The following NRXN1 variants were observed in gnomAD, a reference collection of about 807,000 sequenced individuals.
NRXN1 encodes the protein neurexin-1.
Under a neutral mutation model 150.9 loss-of-function variants are expected in NRXN1, and 39 were observed. The observed-to-expected ratio is 0.26, with a 90% CI of 0.20 to 0.34. The LOEUF (loss-of-function observed/expected upper bound fraction) is 0.34. NRXN1 is among the 10% of genes least tolerant of loss of function. The probability of loss-of-function intolerance (pLI) is 1.00; values close to 1 mark genes in which losing one functional copy is unlikely to be tolerated. For missense variants in NRXN1, 1,815 were observed against 1,949.9 expected, an observed-to-expected ratio of 0.93 and a Z score of 1.30; for synonymous variants, 924 against 757.0, an observed-to-expected ratio of 1.22 and a Z score of -3.62.
chr2:50,142,370 G>A (rs1034842307), intron 18 of NRXN1, among the ~76,000 whole-genome samples: 1 of 151,780 alleles, frequency 6.6e-6, no homozygotes, highest in Non-Finnish European at 1.5e-5. Flanking sequence ...CAGTTAGATG[G>A]AAGAAATATG....
At chr2:50,434,813 T>C (rs1470086325) in intron 17 of NRXN1, among the ~76,000 whole-genome samples, 1 of 152,186 alleles carries the variant, frequency 6.6e-6, no homozygotes, top group Non-Finnish European at 1.5e-5. Flanking sequence ...ATTTTTTTTT[T>C]CCCTCCTGCA....
chr2:49,960,990 T>G (rs1675837888), intron 21 of NRXN1, among the ~76,000 whole-genome samples: 1 of 152,124 alleles, frequency 6.6e-6, no homozygotes, highest in Non-Finnish European at 1.5e-5. Context: ...TACAAGGCTT[T>G]TTTTCATGTA....
At chr2:50,752,347 T>C (rs989815692) in intron 5 of NRXN1, among the ~76,000 whole-genome samples, 6 of 151,952 alleles carry the variant, frequency 3.9e-5, no homozygotes, top group African/African-American at 1.2e-4. Context: ...AAACTGTAAA[T>C]GATTTGGTTT....
At chr2:50,584,798 T>C (rs1003443152) in intron 8 of NRXN1, among the ~76,000 whole-genome samples, 3 of 152,268 alleles carry the variant, frequency 2.0e-5, no homozygotes, top group South Asian at 2.1e-4. Context: ...ATGAATGTGA[T>C]GGAAATATGA....
chr2:50,089,536 C>A (rs1699262299), intron 19 of NRXN1, among the ~76,000 whole-genome samples: 1 of 152,086 alleles, frequency 6.6e-6, no homozygotes, highest in Non-Finnish European at 1.5e-5. Context: ...CCTGTAATCC[C>A]AGCACTTTGG....
chr2:49,961,955 G>A (rs1386152713), intron 21 of NRXN1, among the ~76,000 whole-genome samples: 1 of 152,004 alleles, frequency 6.6e-6, no homozygotes, highest in Non-Finnish European at 1.5e-5. Context: ...GAAATATATG[G>A]TGTGGCTGGG....
At chr2:50,299,971 T>C (rs376947000) in intron 17 of NRXN1, among the ~76,000 whole-genome samples, 20 of 152,298 alleles carry the variant, frequency 1.3e-4, no homozygotes, top group African/African-American at 4.8e-4. Flanking sequence ...CCATGATTTC[T>C]AGAACAGAGC....
chr2:50,095,873 G>T (rs1198004671), intron 18 of NRXN1, among the ~76,000 whole-genome samples: 2 of 151,162 alleles, frequency 1.3e-5, no homozygotes, highest in Admixed American at 1.3e-4. Context: ...TGCCATGTTG[G>T]TGTGCTGCAC....
At chr2:50,051,531 T>C (rs985155260) in intron 21 of NRXN1, among the ~76,000 whole-genome samples, 7 of 152,138 alleles carry the variant, frequency 4.6e-5, no homozygotes, top group African/African-American at 1.4e-4. Flanking sequence ...AATAACTTGC[T>C]TATCAGTAAG....
At chr2:49,962,595 T>C (rs1676167475) in intron 21 of NRXN1, among the ~76,000 whole-genome samples, 1 of 152,150 alleles carries the variant, frequency 6.6e-6, no homozygotes, top group Non-Finnish European at 1.5e-5. Flanking sequence ...GTAGATGACC[T>C]TTCATATTTC....
chr2:50,379,232 CTT>C (rs1255196649), intron 17 of NRXN1, among the ~76,000 whole-genome samples: 1 of 152,138 alleles, frequency 6.6e-6, no homozygotes, highest in African/African-American at 2.4e-5. Context: ...CCAACTGACT[CTT>C]TGTTTCACAC....
At chr2:50,626,402 G>A (rs904928506) in intron 5 of NRXN1, among the ~76,000 whole-genome samples, 12 of 151,902 alleles carry the variant, frequency 7.9e-5, no homozygotes, top group Non-Finnish European at 1.6e-4. Context: ...CAAAATTATA[G>A]TGCTGAAGAA....
chr2:50,057,528 A>C (rs1693838939), intron 19 of NRXN1, among the ~76,000 whole-genome samples: 1 of 152,148 alleles, frequency 6.6e-6, no homozygotes, highest in African/African-American at 2.4e-5. Context: ...TGTAATGGCA[A>C]ATTTGATAGT....
chr2:50,839,847 C>T (rs956117434), intron 5 of NRXN1, among the ~76,000 whole-genome samples: 3 of 151,890 alleles, frequency 2.0e-5, no homozygotes, highest in Non-Finnish European at 2.9e-5. Context: ...AAAAATAAGG[C>T]GGGGAGCAAA....
At chr2:50,917,829 C>T (rs1348747989) in intron 5 of NRXN1, 1 of 151,224 alleles carries the variant, frequency 6.6e-6, no homozygotes, top group East Asian at 1.9e-4. Flanking sequence ...TATATAGAAG[C>T]CCAAATGGAC....
chr2:49,937,001 G>A (rs1269625612), intron 22 of NRXN1, among the ~76,000 whole-genome samples: 1 of 152,132 alleles, frequency 6.6e-6, no homozygotes. Context: ...CCATTTCTTA[G>A]GGCATTTGTA....
In NRXN1 at chr2:50,869,419, C is replaced by T. The variant is rs111314521; in HGVS notation, c.832+52450G>A. Among the ~76,000 whole-genome samples the T allele has an allele frequency of 6.8e-3, 1,031 of 150,774 alleles. 16 individuals carry two copies. Among genetic ancestry groups the T allele is most frequent in the African/African-American group, 0.022 (911 of 41,152 alleles). ...AGAAACAATTTGGAAGAAAATGACACAGTTAAGGTATCCTGACTTAAAAGT... is the reference window on the plus strand; with the variant it reads ...AGAAACAATTTGGAAGAAAATGACATAGTTAAGGTATCCTGACTTAAAAGT... On this transcript the variant is annotated intron_variant, in intron 5 of 22. Transcript: ENST00000401669.
At chr2:50,652,545 T>C (rs1050731397) in intron 5 of NRXN1, among the ~76,000 whole-genome samples, 2 of 152,098 alleles carry the variant, frequency 1.3e-5, no homozygotes, top group Non-Finnish European at 2.9e-5. Flanking sequence ...TGGAACACAA[T>C]ACTATTCCAC....
chr2:50,906,892 C>G (rs1683768301), intron 5 of NRXN1, among the ~76,000 whole-genome samples: 1 of 151,906 alleles, frequency 6.6e-6, no homozygotes, highest in East Asian at 1.9e-4. Context: ...AAGTATGGCA[C>G]CCTGGCATGC....
Sources: gnomAD v4.1 joint callset for allele counts (sites outside exome capture counted in the v4.1 genomes callset) on GRCh38, gnomAD v4.1.1 for gene constraint, MANE v1.5 for transcripts, NCBI Gene and HGNC (gene_info 2026-07-23, HGNC 2026-07-21) for gene names.